Variants in CTNND2 observed in about 807,000 individuals in gnomAD.
CTNND2 encodes the protein catenin delta-2.
Under a neutral mutation model 144.4 loss-of-function variants are expected in CTNND2, and 22 were observed. The observed-to-expected ratio is 0.15, with a 90% CI of 0.11 to 0.22. The LOEUF (loss-of-function observed/expected upper bound fraction) is 0.22. Ranked by LOEUF, CTNND2 falls within the 10% of genes least tolerant of loss-of-function variation. CTNND2 has a pLI of 1.00. For synonymous variants in CTNND2, 751 were observed against 695.6 expected, an observed-to-expected ratio of 1.08 and a Z score of -1.25; for missense variants, 1,353 against 1,618.8, an observed-to-expected ratio of 0.84 and a Z score of 2.82.
intron 1 of CTNND2, among the ~76,000 whole-genome samples, chr5:11,894,087 T>C (rs1737204217): frequency 7.0e-6 from 1 of 142,564 alleles, no homozygotes; most frequent in African/African-American, 2.5e-5. Flanking sequence ...AAGAATTCTG[T>C]GCAATTTGTT....
chr5:11,872,321 G>C (rs1382949878), intron 1 of CTNND2, among the ~76,000 whole-genome samples: 1 of 152,070 alleles, frequency 6.6e-6, no homozygotes, highest in Non-Finnish European at 1.5e-5. Flanking sequence ...CTTTGTTATT[G>C]TGAATAGCGC....
intron 2 of CTNND2, among the ~76,000 whole-genome samples, chr5:11,643,146 C>G (rs2727613): frequency 6.6e-6 from 1 of 152,084 alleles, no homozygotes; most frequent in South Asian, 2.1e-4. Flanking sequence ...TAAAATAGAT[C>G]GCAAACTGTA....
chr5:11,128,196 AG>A (rs1223814108), intron 12 of CTNND2, among the ~76,000 whole-genome samples: 5 of 152,028 alleles, frequency 3.3e-5, no homozygotes, highest in Admixed American at 2.6e-4. Flanking sequence ...GTAAAGGTTC[AG>A]CTCCCAGCTG....
At chr5:11,499,709 AT>A (rs1346065074) in intron 3 of CTNND2, among the ~76,000 whole-genome samples, 1 of 152,132 alleles carries the variant, frequency 6.6e-6, no homozygotes, top group Non-Finnish European at 1.5e-5. Context: ...TCATATAAAA[AT>A]TTCTCTTGTC....
chr5:11,524,826 C>G (rs1773077256), intron 3 of CTNND2, among the ~76,000 whole-genome samples: 1 of 152,020 alleles, frequency 6.6e-6, no homozygotes. Context: ...TTTTGCAAAA[C>G]TTATTTTGTT....
At chr5:11,509,267 C>G (rs886627277) in intron 3 of CTNND2, among the ~76,000 whole-genome samples, 1 of 152,096 alleles carries the variant, frequency 6.6e-6, no homozygotes, top group Non-Finnish European at 1.5e-5. Flanking sequence ...CTAAAGGGAA[C>G]AATTCTCTGT....
intron 2 of CTNND2, among the ~76,000 whole-genome samples, chr5:11,675,529 G>C (rs1008459047): frequency 9.9e-5 from 15 of 151,926 alleles, no homozygotes; most frequent in African/African-American, 3.6e-4. Flanking sequence ...TGTGTAACCT[G>C]ACCCCCCTCC....
At chr5:10,978,359 T>C (rs1435793922) in intron 21 of CTNND2, among the ~76,000 whole-genome samples, 3 of 152,212 alleles carry the variant, frequency 2.0e-5, no homozygotes, top group Non-Finnish European at 4.4e-5. Context: ...TTGCACTTTA[T>C]TGAGTCCCCA....
At chr5:10,990,182 A>G (rs199749572) in intron 19 of CTNND2, among the ~76,000 whole-genome samples, 1 of 152,138 alleles carries the variant, frequency 6.6e-6, no homozygotes, top group East Asian at 1.9e-4. Context: ...GTAGGTGGAG[A>G]GAATGCCCAG....
intron 9 of CTNND2, among the ~76,000 whole-genome samples, chr5:11,295,269 T>A (rs1218477770): frequency 1.3e-5 from 2 of 152,072 alleles, no homozygotes; most frequent in Non-Finnish European, 2.9e-5. Flanking sequence ...CGAATCCACC[T>A]TACAAGGGAC....
intron 3 of CTNND2, among the ~76,000 whole-genome samples, chr5:11,528,638 G>C (rs562128460): frequency 2.6e-5 from 4 of 152,178 alleles, no homozygotes; most frequent in Non-Finnish European, 5.9e-5. Flanking sequence ...CTTCACACTG[G>C]TGCCAAGCCC....
At chr5:11,614,647 G>A (rs1244676337) in intron 2 of CTNND2, among the ~76,000 whole-genome samples, 1 of 152,228 alleles carries the variant, frequency 6.6e-6, no homozygotes, top group African/African-American at 2.4e-5. Context: ...GCTCATTGAG[G>A]AAAGAATGGA....
intron 2 of CTNND2, among the ~76,000 whole-genome samples, chr5:11,670,679 G>A (rs1418090432): frequency 7.5e-6 from 1 of 133,362 alleles, no homozygotes; most frequent in Non-Finnish European, 1.5e-5. Flanking sequence ...CTTTCCATAT[G>A]AGATGGTCTC....
At chr5:10,974,917 G>T (rs1736261480) in intron 21 of CTNND2, among the ~76,000 whole-genome samples, 1 of 152,182 alleles carries the variant, frequency 6.6e-6, no homozygotes. Context: ...ATTTATACTA[G>T]TAATCAACCT....
chr5:11,008,595 G>A (rs1294588170), intron 18 of CTNND2, among the ~76,000 whole-genome samples: 1 of 152,164 alleles, frequency 6.6e-6, no homozygotes, highest in Non-Finnish European at 1.5e-5. Flanking sequence ...TCTCTGTTCT[G>A]GCTAAGGTCC....
intron 12 of CTNND2, among the ~76,000 whole-genome samples, chr5:11,133,634 G>C (rs1006328850): frequency 1.3e-5 from 2 of 152,206 alleles, no homozygotes; most frequent in African/African-American, 4.8e-5. Context: ...TTACAGGCAT[G>C]AGCCACCACG....
At chr5:11,637,168 T>C (rs548599127) in intron 2 of CTNND2, among the ~76,000 whole-genome samples, 2 of 152,240 alleles carry the variant, frequency 1.3e-5, no homozygotes, top group East Asian at 3.9e-4. Flanking sequence ...CCTTGGAAAA[T>C]GTTTACTTAA....
chr5:11,105,326 G>A (rs1392680895), intron 14 of CTNND2, among the ~76,000 whole-genome samples: 1 of 152,212 alleles, frequency 6.6e-6, no homozygotes, highest in African/African-American at 2.4e-5. Flanking sequence ...TAGTCCAATG[G>A]TCTCAACCAG....
intron 2 of CTNND2, among the ~76,000 whole-genome samples, chr5:11,710,546 A>T (rs559363520): frequency 4.6e-4 from 70 of 152,074 alleles, no homozygotes; most frequent in African/African-American, 1.5e-3. Flanking sequence ...TCTCAAAAAA[A>T]AAAAAAAAAA....
Sources: allele counts gnomAD v4.1 joint callset (sites outside exome capture counted in the v4.1 genomes callset), GRCh38; gene constraint gnomAD v4.1.1; transcripts MANE v1.5; gene names NCBI Gene and HGNC (gene_info 2026-07-23, HGNC 2026-07-21).